The following TNNI3K variants were observed in gnomAD, a reference collection of about 807,000 sequenced individuals.
The protein encoded by TNNI3K is serine/threonine-protein kinase TNNI3K.
A neutral mutation model predicts 114.5 loss-of-function variants in TNNI3K; 140 were observed. The ratio of observed to expected loss-of-function variants is 1.22; its 90% CI spans 1.07 to 1.41. The LOEUF (loss-of-function observed/expected upper bound fraction) is 1.41. Ranked by LOEUF, TNNI3K falls within the 40% of genes most tolerant of loss-of-function variation. The pLI is 0.00. For synonymous variants in TNNI3K, 347 were observed against 347.5 expected (o/e 1.00, Z 0.02); for missense variants, 1,125 against 1,007.6 (o/e 1.12, Z -1.58).
At chr1:74,397,846 T>C (rs1199164490) in intron 17 of TNNI3K, among the ~76,000 whole-genome samples, 1 of 152,190 alleles carries the variant, frequency 6.6e-6, no homozygotes, top group Non-Finnish European at 1.5e-5. Context: ...ACCCAATAAC[T>C]AGTCAGACCA....
At chr1:74,326,400 G>C (rs899874576) in intron 5 of TNNI3K, among the ~76,000 whole-genome samples, 4 of 152,112 alleles carry the variant, frequency 2.6e-5, no homozygotes, top group Non-Finnish European at 5.9e-5. Flanking sequence ...ATAAGTTAAA[G>C]TTATACTGTA....
chr1:74,383,291 G>A (rs1383065826), intron 17 of TNNI3K, among the ~76,000 whole-genome samples: 1 of 151,418 alleles, frequency 6.6e-6, no homozygotes, highest in Non-Finnish European at 1.5e-5. Flanking sequence ...TGCTAGAGAG[G>A]AAAAAAAATA....
intron 2 of TNNI3K, chr1:74,240,711 G>A (rs1007630395): frequency 2.0e-5 from 3 of 151,596 alleles, no homozygotes; most frequent in Admixed American, 1.3e-4. Flanking sequence ...ATTTGTATCT[G>A]CTTAATCTAT....
chr1:74,382,038 G>A (rs542759215), intron 17 of TNNI3K, among the ~76,000 whole-genome samples: 3 of 152,312 alleles, frequency 2.0e-5, no homozygotes, highest in East Asian at 3.9e-4. Context: ...AGCACTCAGC[G>A]ACTCAACTCA....
At position 74,480,840 on chromosome 1, in the gene TNNI3K, G is replaced by A. The variant is rs546163601; in HGVS notation, c.2122-8349G>A. 8.4e-6 allele frequency: 6 copies of A among 717,494 alleles called. 1 individual carries two copies. The highest frequency in any genetic ancestry group is 7.4e-5 in the South Asian group (5 of 67,594). The allele number at this position is 717,494 out of a possible 1,614,324, so 44.4% of individuals were successfully genotyped here. A position where few individuals can be genotyped will look rare whatever the true frequency, so the allele number is the denominator to read the frequency against. On this transcript the variant is annotated intron_variant, in intron 21 of 24. Transcript: ENST00000326637. The stretch of plus-strand genomic sequence containing the variant: ...GTAAGCCCATGCAGGGCATCTTCCT[G>A]AACATCCTCGATACCATTTCTGCTT...
intron 17 of TNNI3K, among the ~76,000 whole-genome samples, chr1:74,390,519 A>G (rs1663709077): frequency 6.6e-6 from 1 of 152,156 alleles, no homozygotes; most frequent in African/African-American, 2.4e-5. Context: ...AGCAGTAGTG[A>G]TAATACTGTA....
At chr1:74,501,838 G>C (rs1669648902) in intron 23 of TNNI3K, among the ~76,000 whole-genome samples, 1 of 151,930 alleles carries the variant, frequency 6.6e-6, no homozygotes, top group African/African-American at 2.4e-5. Flanking sequence ...CTTTAAACTA[G>C]CTTGTATGTG....
At chr1:74,399,329 A>C (rs185878839) in intron 17 of TNNI3K, among the ~76,000 whole-genome samples, 1 of 152,238 alleles carries the variant, frequency 6.6e-6, no homozygotes, top group East Asian at 1.9e-4. Flanking sequence ...TGACCTTCCT[A>C]GTGTGGAAAC....
At chr1:74,378,605 T>TAA (rs1458941179) in intron 17 of TNNI3K, 2 of 60,820 alleles carry the variant, frequency 3.3e-5, no homozygotes, top group Non-Finnish European at 6.6e-5. Flanking sequence ...TATATATATA[T>TAA]ATATATATAT....
At chr1:74,350,351 G>C (rs1037074418) in intron 9 of TNNI3K, among the ~76,000 whole-genome samples, 17 of 152,146 alleles carry the variant, frequency 1.1e-4, no homozygotes, top group Non-Finnish European at 2.1e-4. Context: ...TATAATTTCT[G>C]TTCTTTTACA....
At chr1:74,445,915 A>G (rs1666645030) in intron 20 of TNNI3K, among the ~76,000 whole-genome samples, 2 of 152,116 alleles carry the variant, frequency 1.3e-5, no homozygotes, top group African/African-American at 4.8e-5. Context: ...CGGCCGTTCC[A>G]CATTTTCTTA....
Position 74,480,989 on chromosome 1 carries a change from AC to A in TNNI3K, c.2122-8199del, listed in dbSNP as rs1306919692. The A allele has an allele frequency of 7.2e-6, 5 of 693,932 alleles. No individual in the cohort carries two copies. In the East Asian group the frequency reaches 1.3e-4, roughly 19 times the overall value. The allele number at this position is 693,932 out of a possible 1,614,324, so 43.0% of individuals were successfully genotyped here. A position where few individuals can be genotyped will look rare whatever the true frequency, so the allele number is the denominator to read the frequency against. On this transcript the variant is annotated intron_variant, in intron 21 of 24. Coordinates refer to ENST00000326637, the MANE Select transcript of TNNI3K (RefSeq NM_015978.3). ...GGCTGCTGTGGGGAAAAAAGCACAGACTAGATGCAGGGTACACATGAGTGGG... is the reference window on the plus strand; with the variant it reads ...GGCTGCTGTGGGGAAAAAAGCACAGATAGATGCAGGGTACACATGAGTGGG...
intron 23 of TNNI3K, among the ~76,000 whole-genome samples, chr1:74,519,289 A>G (rs1459923630): frequency 2.4e-5 from 2 of 84,452 alleles, no homozygotes; most frequent in Non-Finnish European, 4.4e-5. Context: ...TCATTGTTGG[A>G]CATTTGGGTT....
At chr1:74,333,552 T>A (rs1006998419) in intron 6 of TNNI3K, among the ~76,000 whole-genome samples, 1 of 152,190 alleles carries the variant, frequency 6.6e-6, no homozygotes, top group Non-Finnish European at 1.5e-5. Flanking sequence ...ATAGTCACAG[T>A]CTTATAAAAT....
intron 23 of TNNI3K, among the ~76,000 whole-genome samples, chr1:74,529,204 G>T (rs976275287): frequency 6.6e-6 from 1 of 152,122 alleles, no homozygotes; most frequent in African/African-American, 2.4e-5. Context: ...ATTTTATAGT[G>T]TAGAAGCCTA....
intron 17 of TNNI3K, among the ~76,000 whole-genome samples, chr1:74,407,993 C>G (rs1481852780): frequency 1.2e-4 from 19 of 152,154 alleles, no homozygotes; most frequent in Admixed American, 1.2e-3. Context: ...ATTTGACCTA[C>G]TATTGTGGTC....
intron 9 of TNNI3K, among the ~76,000 whole-genome samples, chr1:74,346,894 G>T (rs1412181212): frequency 6.6e-6 from 1 of 151,546 alleles, no homozygotes; most frequent in Non-Finnish European, 1.5e-5. Flanking sequence ...AATGTCACCT[G>T]TGTCTTAATC....
At chr1:74,350,982 G>T (rs570577651) in intron 9 of TNNI3K, among the ~76,000 whole-genome samples, 19 of 152,016 alleles carry the variant, frequency 1.2e-4, no homozygotes, top group African/African-American at 3.6e-4. Flanking sequence ...GGTTAGTATT[G>T]TTATGTGTGA....
intron 5 of TNNI3K, among the ~76,000 whole-genome samples, chr1:74,296,869 T>G (rs1658021545): frequency 6.6e-6 from 1 of 152,176 alleles, no homozygotes; most frequent in South Asian, 2.1e-4. Flanking sequence ...TCCGTTGGTG[T>G]TATCAGTTTT....
Sources: gnomAD v4.1 joint callset for allele counts (sites outside exome capture counted in the v4.1 genomes callset) on GRCh38, gnomAD v4.1.1 for gene constraint, MANE v1.5 for transcripts, NCBI Gene and HGNC (gene_info 2026-07-23, HGNC 2026-07-21) for gene names.